Variants in LIAS observed in about 807,000 individuals in gnomAD.
LIAS encodes the protein lipoic acid synthetase.
In LIAS, 36 loss-of-function variants were observed where a neutral mutation model predicts 49.4. The ratio of observed to expected loss-of-function variants is 0.73; its 90% CI spans 0.56 to 0.96. The LOEUF is 0.96. Ranked by LOEUF, LIAS falls within the 40% of genes least tolerant of loss-of-function variation. The pLI is 0.00. For synonymous variants in LIAS, 145 were observed against 155.8 expected (o/e 0.93, Z 0.52); for missense variants, 399 against 456.3 (o/e 0.87, Z 1.14).
intron 9 of LIAS, 79 bp downstream of exon 9, chr4:39,471,385 G>T: frequency 9.4e-7 from 1 of 1,069,424 alleles, no homozygotes; most frequent in South Asian, 1.4e-5. Flanking sequence ...CTGAGCTGGA[G>T]TGTAGTGGCA....
chr4:39,476,760 G>T (rs1745207373), intron 10 of LIAS: 1 of 248,824 alleles, frequency 4.0e-6, no homozygotes, highest in Admixed American at 5.8e-5. Flanking sequence ...GATAGATAGT[G>T]CACATAAAGT....
chr4:39,462,238 G>A lies in LIAS; in HGVS notation c.261G>A (p.Gly87=). The change falls in exon 3 of 11, where the codon GGG becomes GGA. Residue 87 remains glycine, a synonymous_variant. Transcript: ENST00000640888. ...PPWLKTEIPM[G]KNYNKLKNTL... ...GGCTAAAGACAGAGATTCCCATGGG[G>A]AAAAATTACAATAAACTGAAAAATA... 6.4e-7 allele frequency: 1 copy of A among 1,564,422 alleles called. No individual in the cohort carries two copies. Among genetic ancestry groups the A allele is most frequent in the Non-Finnish European group, 8.6e-7 (1 of 1,158,444 alleles).
chr4:39,471,295 C>T lies in LIAS; in HGVS notation c.943C>T (p.Arg315Cys), dbSNP rs1397998638. ...TLGQYMQPTRRHLKVEEYITP... is the reference protein window; with the variant it reads ...TLGQYMQPTRCHLKVEEYITP... Reference sequence around the variant, plus strand: ...AGGACAATATATGCAGCCAACAAGGCGTCACCTTAAGGTACATGTATCTTG... The same window carrying T: ...AGGACAATATATGCAGCCAACAAGGTGTCACCTTAAGGTACATGTATCTTG... The change falls in exon 9 of 11, where the codon CGT becomes TGT. Residue 315 changes from arginine (R) to cysteine (C), a missense_variant. By Grantham distance (180) the Arg-to-Cys change is radical (BLOSUM62 -3). Coordinates refer to ENST00000640888, the MANE Select transcript of LIAS (RefSeq NM_006859.4). 4 of 1,597,586 alleles carry T rather than the reference C, an allele frequency of 2.5e-6. No homozygotes were observed. Among genetic ancestry groups the T allele is most frequent in the Non-Finnish European group, 3.4e-6 (4 of 1,168,266 alleles).
At chr4:39,473,868 T>C (rs1373350413) in intron 10 of LIAS, 1 of 152,208 alleles carries the variant, frequency 6.6e-6, no homozygotes, top group African/African-American at 2.4e-5. Flanking sequence ...CATGTGATAA[T>C]GATTGTCGGA....
rs1328126199 is a variant in LIAS, at chr4:39,467,525, A to G, written c.616A>G (p.Lys206Glu). 25 of 1,589,836 alleles carry G rather than the reference A, an allele frequency of 1.6e-5. No homozygotes were observed. The highest frequency in any genetic ancestry group is 2.3e-5 in the East Asian group (1 of 44,340). The part of the protein sequence containing the change: ...TVSYLKERNP[K>E]ILVECLTPDF... The stretch of plus-strand genomic sequence containing the variant: ...TCTCTCTTTTCCCCTTAGGAATCCA[A>G]AAATCCTTGTGGAGTGTCTTACTCC... The change falls in exon 7 of 11, where the codon AAA (lysine) becomes GAA (glutamate). Residue 206 changes from lysine to glutamate, a missense_variant. This residue lies in a region of LIAS where 234 missense variants were observed against 292.2 expected (regional missense o/e 0.80). Transcript: ENST00000640888.
intron 4 of LIAS, 79 bp from the exon 5 acceptor site, chr4:39,464,967 A>G (rs1367086860): frequency 1.7e-6 from 2 of 1,198,822 alleles, no homozygotes; most frequent in Non-Finnish European, 2.4e-6. Flanking sequence ...CATTCTTTGC[A>G]ACTTGCTTTA....
intron 10 of LIAS, chr4:39,473,433 G>T: frequency 2.6e-6 from 1 of 385,658 alleles, no homozygotes; most frequent in Non-Finnish European, 4.6e-6. Flanking sequence ...TCAGCCCCCT[G>T]CTTTGTAACT....
At chr4:39,471,927 G>A (rs1745005032) in intron 9 of LIAS, among the ~76,000 whole-genome samples, 1 of 151,928 alleles carries the variant, frequency 6.6e-6, no homozygotes, top group Admixed American at 6.6e-5. Context: ...GCCTTCCAAA[G>A]TGCTGGGATT....
intron 3 of LIAS, among the ~76,000 whole-genome samples, chr4:39,462,525 TATATG>T (rs1391954664): frequency 1.3e-5 from 2 of 152,198 alleles, no homozygotes; most frequent in Non-Finnish European, 2.9e-5. Context: ...GCAAATTAGA[TATATG>T]ATTTGTTGGA....
chr4:39,459,421 T>A (rs905980257), intron 1 of LIAS, among the ~76,000 whole-genome samples: 2 of 152,192 alleles, frequency 1.3e-5, no homozygotes, highest in African/African-American at 4.8e-5. Flanking sequence ...TTGTACCCTA[T>A]ATTTATGGAG....
At chr4:39,472,209 A>G (rs1350557607) in intron 9 of LIAS, among the ~76,000 whole-genome samples, 1 of 152,172 alleles carries the variant, frequency 6.6e-6, no homozygotes, top group East Asian at 1.9e-4. Context: ...GAAGAAAATC[A>G]TAAGGAAAAG....
Position 39,467,554 on chromosome 4 carries a change from T to A in LIAS, c.645T>A (p.Asp215Glu), listed in dbSNP as rs869312808. The change falls in exon 7 of 11, where the codon GAT (aspartate) becomes GAA (glutamate). Residue 215 changes from aspartate to glutamate, a missense_variant. Around this residue, in one of 3 missense-constraint regions of LIAS, gnomAD observed 234 missense variants for 292.2 expected, o/e 0.80. Coordinates refer to ENST00000640888, the MANE Select transcript of LIAS (RefSeq NM_006859.4). ...TCCTTGTGGAGTGTCTTACTCCTGA[T>A]TTTCGAGGTGATCTCAAAGCAATAG... ...PKILVECLTP[D>E]FRGDLKAIEK... The A allele has an allele frequency of 6.8e-6, 11 of 1,608,290 alleles. No homozygotes were observed. The highest frequency in any genetic ancestry group is 8.5e-6 in the Non-Finnish European group (10 of 1,177,284).
chr4:39,465,194 A>T lies in LIAS; in HGVS notation c.542A>T (p.Asp181Val), dbSNP rs1553934355. The change falls in exon 5 of 11, where the codon GAT becomes GTT. Residue 181 changes from aspartate (D) to valine (V), a missense_variant. Asp to Val is a radical substitution (Grantham distance 152, BLOSUM62 -3). Around this residue, in one of 3 missense-constraint regions of LIAS, gnomAD observed 234 missense variants for 292.2 expected, o/e 0.80. Transcript: ENST00000640888. ...GLDYVVLTSV[D>V]RDDMPDGGAE... The stretch of plus-strand genomic sequence containing the variant: ...GATTATGTTGTCCTGACATCTGTGG[A>T]TCGAGATGGTTAGTGTGTCATCATG... 1.9e-6 allele frequency: 3 copies of T among 1,613,628 alleles called. No homozygotes were observed. Among genetic ancestry groups the T allele is most frequent in the Non-Finnish European group, 2.5e-6 (3 of 1,179,720 alleles).
Position 39,462,271 on chromosome 4 carries a change from G to T in LIAS, c.294G>T (p.Arg98=). 1 of 1,555,492 alleles carries T rather than the reference G, an allele frequency of 6.4e-7. No individual in the cohort carries two copies. The highest frequency in any genetic ancestry group is 1.2e-5 in the South Asian group (1 of 83,082). ...KNYNKLKNTL[R]NLNLHTVCEE... is the part of the protein sequence containing the mutation. ...ACAATAAACTGAAAAATACTTTGCG[G>T]AATTTAAATCTCCATACAGTAAGTT... Residue 98 remains arginine (R), a synonymous_variant, in exon 3 of 11, where the codon CGG becomes CGT. Transcript: ENST00000640888.
chr4:39,475,419 T>A (rs911683023), intron 10 of LIAS: 1 of 121,732 alleles, frequency 8.2e-6, no homozygotes, highest in African/African-American at 3.2e-5. Flanking sequence ...ATAAACTAGG[T>A]ATTTTTTTTT....
At chr4:39,460,728 G>T in intron 1 of LIAS, 62 bp from the exon 2 acceptor site, 1 of 1,396,428 alleles carries the variant, frequency 7.2e-7, no homozygotes, top group Non-Finnish European at 9.6e-7. Context: ...GTGTTATGAT[G>T]GGTTAAAACT....
intron 10 of LIAS, 109 bp from the exon 11 acceptor site, chr4:39,476,954 A>T: frequency 1.4e-6 from 1 of 699,552 alleles, no homozygotes; most frequent in Non-Finnish European, 2.4e-6. Flanking sequence ...GCCAATAAAT[A>T]CAAAAGTCTT....
chr4:39,478,662 A>G lies in LIAS; in HGVS notation c.*1547A>G, dbSNP rs1187669991. 6.6e-6 allele frequency: 1 copy of G among 152,226 alleles called. No individual in the cohort carries two copies. The highest frequency in any genetic ancestry group is 2.4e-5 in the African/African-American group (1 of 41,466). 9.4% of individuals were successfully genotyped at this position (152,226 alleles called of 1,614,324 possible). A position where few individuals can be genotyped will look rare whatever the true frequency, so the allele number is the denominator to read the frequency against. On this transcript the variant is annotated 3_prime_UTR_variant, in exon 11 of 11. Transcript: ENST00000640888. ...TAGAAATATTAACCCTTATTTGTAT[A>G]GTAGCTTGCTAAATCCACATGCCCT...
intron 3 of LIAS, 83 bp downstream of exon 3, chr4:39,462,372 A>G (rs1744551476): frequency 2.3e-6 from 1 of 426,566 alleles, no homozygotes; most frequent in Non-Finnish European, 4.0e-6. Context: ...ATTAATAAAT[A>G]TATAAATAAT....
Sources: gnomAD v4.1 joint callset for allele counts (sites outside exome capture counted in the v4.1 genomes callset) on GRCh38, gnomAD v4.1.1 for gene constraint, gnomAD v4.1.1 regional missense constraint, MANE v1.5 for transcripts, NCBI Gene and HGNC (gene_info 2026-07-23, HGNC 2026-07-21) for gene names.